Variants in PRKCE observed in about 807,000 individuals in gnomAD.
PRKCE encodes the protein protein kinase C epsilon type.
Under a neutral mutation model 85.4 loss-of-function variants are expected in PRKCE, and 16 were observed. The ratio of observed to expected loss-of-function variants is 0.19; its 90% CI spans 0.13 to 0.28. The LOEUF (loss-of-function observed/expected upper bound fraction) is 0.28, where lower values mean the gene tolerates loss of function less well. PRKCE is among the 10% of genes least tolerant of loss of function. PRKCE has a pLI of 1.00. For missense variants in PRKCE, 573 were observed against 975.2 expected, an observed-to-expected ratio of 0.59 and a Z score of 5.49; for synonymous variants, 388 against 371.5, an observed-to-expected ratio of 1.04 and a Z score of -0.51.
intron 1 of PRKCE, among the ~76,000 whole-genome samples, chr2:45,797,397 A>G (rs114923335): frequency 2.0e-5 from 3 of 152,362 alleles, no homozygotes; most frequent in Non-Finnish European, 4.4e-5. Flanking sequence ...TTTGCCCAGA[A>G]CAATCTCAGT....
chr2:45,890,049 C>A (rs768346404), intron 2 of PRKCE, among the ~76,000 whole-genome samples: 9 of 152,192 alleles, frequency 5.9e-5, no homozygotes, highest in African/African-American at 1.2e-4. Flanking sequence ...GAGCTCAGTG[C>A]TTACTGTCTG....
intron 1 of PRKCE, among the ~76,000 whole-genome samples, chr2:45,816,662 C>G (rs1448451837): frequency 2.6e-5 from 4 of 152,174 alleles, no homozygotes; most frequent in African/African-American, 9.7e-5. Context: ...TCTTCCTTTC[C>G]TCTGTGCACT....
At position 45,977,496 on chromosome 2, in the gene PRKCE, C is replaced by T. The variant is rs1702548729; in HGVS notation, c.572+908C>T. On this transcript the variant is annotated intron_variant, in intron 3 of 14. Coordinates refer to ENST00000306156, the MANE Select transcript of PRKCE (RefSeq NM_005400.3). ...TACTAAAAATACAAAAATTAGCTGGCCATGGTGGTGTGCGCCTGTAATCCC... is the reference window on the plus strand; with the variant it reads ...TACTAAAAATACAAAAATTAGCTGGTCATGGTGGTGTGCGCCTGTAATCCC... Among the ~76,000 whole-genome samples the T allele has an allele frequency of 2.0e-5, 3 of 151,764 alleles. No homozygotes were observed. In the South Asian group the frequency reaches 6.2e-4, roughly 32 times the overall value.
intron 1 of PRKCE, among the ~76,000 whole-genome samples, chr2:45,827,987 A>G (rs183966613): frequency 7.9e-5 from 12 of 152,320 alleles, no homozygotes; most frequent in Middle Eastern, 3.4e-3. Context: ...AAATAGGAGA[A>G]TATATTCCAG....
intron 2 of PRKCE, among the ~76,000 whole-genome samples, chr2:45,858,881 A>C (rs1433969045): frequency 6.6e-6 from 1 of 151,828 alleles, no homozygotes; most frequent in East Asian, 1.9e-4. Flanking sequence ...CCTCTACTAA[A>C]AATACAAAAA....
intron 14 of PRKCE, among the ~76,000 whole-genome samples, chr2:46,161,442 G>A (rs1227002371): frequency 1.3e-5 from 2 of 152,214 alleles, no homozygotes; most frequent in Non-Finnish European, 2.9e-5. Context: ...TGAAGCTGAG[G>A]GGATTATCAG....
intron 1 of PRKCE, among the ~76,000 whole-genome samples, chr2:45,768,002 C>T (rs1558650133): frequency 6.6e-6 from 1 of 152,324 alleles, no homozygotes; most frequent in East Asian, 1.9e-4. Context: ...CAGAAGCTTC[C>T]TGGAGAGGAG....
intron 2 of PRKCE, among the ~76,000 whole-genome samples, chr2:45,972,790 A>G (rs988880378): frequency 6.6e-6 from 1 of 152,240 alleles, no homozygotes; most frequent in African/African-American, 2.4e-5. Flanking sequence ...TGGAAGAATT[A>G]ATGTTTGTTA....
Position 45,679,220 on chromosome 2 carries a change from T to C in PRKCE, c.348+26772T>C, listed in dbSNP as rs539120628. 8.5e-5 allele frequency among the ~76,000 whole-genome samples: 13 copies of C among 152,284 alleles called. No homozygotes were observed. The East Asian group carries it at 2.1e-3, about 25-fold the overall frequency. On this transcript the variant is annotated intron_variant, in intron 1 of 14. Coordinates refer to ENST00000306156, the MANE Select transcript of PRKCE (RefSeq NM_005400.3). ...AATAGAATCTGCCCCAGGACTTCCATGCATAGTACTTTGCTGTAAACACGA... is the reference window on the plus strand; with the variant it reads ...AATAGAATCTGCCCCAGGACTTCCACGCATAGTACTTTGCTGTAAACACGA...
At chr2:45,737,120 C>T (rs920465397) in intron 1 of PRKCE, among the ~76,000 whole-genome samples, 2 of 152,152 alleles carry the variant, frequency 1.3e-5, no homozygotes, top group Non-Finnish European at 2.9e-5. Flanking sequence ...GGGGGCTGGA[C>T]GACTCTCTCC....
At chr2:46,123,913 C>T (rs749033991) in intron 11 of PRKCE, among the ~76,000 whole-genome samples, 8 of 152,232 alleles carry the variant, frequency 5.3e-5, no homozygotes, top group Non-Finnish European at 1.0e-4. Flanking sequence ...ACAAGGCATG[C>T]ACTGATTGAC....
intron 1 of PRKCE, among the ~76,000 whole-genome samples, chr2:45,667,179 C>T (rs1675953282): frequency 6.6e-6 from 1 of 151,920 alleles, no homozygotes; most frequent in Admixed American, 6.6e-5. Flanking sequence ...GATGTGGTGG[C>T]ACACACCTGT....
intron 10 of PRKCE, among the ~76,000 whole-genome samples, chr2:46,024,900 C>G (rs1159461756): frequency 1.3e-5 from 2 of 152,118 alleles, no homozygotes; most frequent in African/African-American, 4.8e-5. Context: ...CCAAAGGAAA[C>G]ACGTTGTCAT....
At chr2:45,847,313 C>T (rs534231898) in intron 2 of PRKCE, among the ~76,000 whole-genome samples, 32 of 152,320 alleles carry the variant, frequency 2.1e-4, no homozygotes, top group African/African-American at 7.7e-4. Context: ...TGGTCCCCAT[C>T]CTCTCACCAG....
chr2:45,685,317 A>T (rs1677214211), intron 1 of PRKCE: 1 of 152,236 alleles, frequency 6.6e-6, no homozygotes, highest in South Asian at 2.1e-4. Context: ...ACTGTGGATT[A>T]CAGTAATTTC....
At chr2:46,135,927 T>G (rs13406901) in intron 11 of PRKCE, among the ~76,000 whole-genome samples, 41,030 of 150,608 alleles carry the variant, frequency 0.27, 5,958 homozygotes, top group Middle Eastern at 0.42. Context: ...ACAATGTTGA[T>G]CTGGAAAAAA....
intron 1 of PRKCE, among the ~76,000 whole-genome samples, chr2:45,773,354 A>G (rs1306786368): frequency 6.6e-6 from 1 of 152,174 alleles, no homozygotes; most frequent in African/African-American, 2.4e-5. Context: ...CGAAGTAGTG[A>G]CAGACACTAT....
intron 14 of PRKCE, among the ~76,000 whole-genome samples, chr2:46,181,156 A>C (rs1218106818): frequency 2.6e-5 from 4 of 152,214 alleles, no homozygotes; most frequent in African/African-American, 9.7e-5. Context: ...CAAAGAATAA[A>C]ATCAGCGAGT....
chr2:45,811,752 AGAT>A (rs772593436), intron 1 of PRKCE, among the ~76,000 whole-genome samples: 2 of 152,238 alleles, frequency 1.3e-5, no homozygotes, highest in Non-Finnish European at 2.9e-5. Context: ...GAATAAGAAC[AGAT>A]GATAGGGAGT....
Sources: gnomAD v4.1 joint callset for allele counts (sites outside exome capture counted in the v4.1 genomes callset) on GRCh38, gnomAD v4.1.1 for gene constraint, MANE v1.5 for transcripts, NCBI Gene and HGNC (gene_info 2026-07-23, HGNC 2026-07-21) for gene names.